Variants in GPR26 observed in about 807,000 individuals in gnomAD.
GPR26 encodes G protein-coupled receptor 26.
GPR26 carries 15 observed loss-of-function variants against 23.1 expected under a neutral mutation model. The ratio of observed to expected loss-of-function variants is 0.65; its 90% CI spans 0.43 to 1.00. GPR26 has a LOEUF of 1.00. GPR26 is among the 50% of genes least tolerant of loss of function. The probability of loss-of-function intolerance (pLI) is 0.00; values close to 1 mark genes in which losing one functional copy is unlikely to be tolerated. For synonymous variants in GPR26, 228 were observed against 222.1 expected (o/e 1.03, Z -0.24); for missense variants, 359 against 470.5 (o/e 0.76, Z 2.19).
At position 123,684,167 on chromosome 10, in the gene GPR26, G is replaced by C. The variant is rs374171985; in HGVS notation, c.783-3762G>C. Among the ~76,000 whole-genome samples, 204 of 152,316 alleles carry C rather than the reference G, an allele frequency of 1.3e-3. 1 individual carries two copies. Among genetic ancestry groups the C allele is most frequent in the Admixed American group, 2.2e-3 (34 of 15,296 alleles). On this transcript the variant is annotated intron_variant, in intron 2 of 2. Coordinates refer to ENST00000284674, the MANE Select transcript of GPR26 (RefSeq NM_153442.4). ...CCCCCGAATGGAGCCTCATGTCCCA[G>C]AGAGCACACGGAAAGTCATCTTGTG...
rs1845508249 is a variant in GPR26, at chr10:123,693,178, T to C, written c.*5018T>C. The C allele has an allele frequency of 6.6e-6, 1 of 152,256 alleles. No individual in the cohort carries two copies. The highest frequency in any genetic ancestry group is 1.5e-5 in the Non-Finnish European group (1 of 68,060). The allele number at this position is 152,256 out of a possible 1,614,324, so 9.4% of individuals were successfully genotyped here. Reference sequence around the variant, plus strand: ...GGAATTCTCCAGACTCCTTTTACTTTGTATGTGTTTCTAGGGGAATTCTGA... The same window carrying C: ...GGAATTCTCCAGACTCCTTTTACTTCGTATGTGTTTCTAGGGGAATTCTGA... On this transcript the variant is annotated 3_prime_UTR_variant, in exon 3 of 3. Transcript: ENST00000284674.
Position 123,666,702 on chromosome 10 carries a change from G to A in GPR26, c.295G>A (p.Ala99Thr). Reference sequence around the variant, plus strand: ...TGCCAACTCCATGCTCAGCATGGCCGCGCTCAGCATCGACCGCTGGGTGGC... The same window carrying A: ...TGCCAACTCCATGCTCAGCATGGCCACGCTCAGCATCGACCGCTGGGTGGC... ...LAANSMLSMA[A>T]LSIDRWVAVV... The change falls in exon 1 of 3, where the codon GCG becomes ACG. Residue 99 changes from alanine to threonine, a missense_variant. By Grantham distance (58) the Ala-to-Thr change is moderately conservative. Coordinates refer to ENST00000284674, the MANE Select transcript of GPR26 (RefSeq NM_153442.4). 1 of 1,599,200 alleles carries A rather than the reference G, an allele frequency of 6.3e-7. No individual in the cohort carries two copies. The highest frequency in any genetic ancestry group is 8.5e-7 in the Non-Finnish European group (1 of 1,178,130).
Position 123,667,071 on chromosome 10 carries a change from C to CCCAGGTGAG in GPR26, c.667_668+7dup, listed in dbSNP as rs754548247. On this transcript the variant is annotated stop_gained and inframe_insertion, in exon 1 of 3. Coordinates refer to ENST00000284674, the MANE Select transcript of GPR26 (RefSeq NM_153442.4). LOFTEE classifies it high-confidence loss of function. ...GCTGGTGCTGCTGGTGGACCTGCAC[C>CCCAGGTGAG]CCAGGTGAGCCGAGCGCAGCTAAGG... is the stretch of plus-strand genomic sequence containing the variant. The CCCAGGTGAG allele has an allele frequency of 5.1e-6, 8 of 1,584,132 alleles. No individual in the cohort carries two copies. Among genetic ancestry groups the CCCAGGTGAG allele is most frequent in the South Asian group, 1.1e-5 (1 of 87,058 alleles).
Position 123,690,495 on chromosome 10 carries a change from G to T in GPR26, c.*2335G>T, listed in dbSNP as rs1845480647. On this transcript the variant is annotated 3_prime_UTR_variant, in exon 3 of 3. Transcript: ENST00000284674. ...CTAGATCTCTTTTACCTCTTCTTTA[G>T]CCAAGAAGCAAGATCTGTCACCCAC... The T allele has an allele frequency of 6.6e-6, 1 of 151,956 alleles. No homozygotes were observed. The allele number at this position is 151,956 out of a possible 1,614,324, so 9.4% of individuals were successfully genotyped here.
intron 2 of GPR26, among the ~76,000 whole-genome samples, chr10:123,684,089 A>G (rs1269720728): frequency 6.6e-6 from 1 of 151,606 alleles, no homozygotes; most frequent in Non-Finnish European, 1.5e-5. Flanking sequence ...TTCCGGGGGG[A>G]GCTGTGTCAG....
intron 1 of GPR26, 98 bp downstream of exon 1, chr10:123,667,173 T>A: frequency 1.1e-6 from 1 of 929,578 alleles, no homozygotes; most frequent in Non-Finnish European, 1.6e-6. Context: ...ACCGAGCCTC[T>A]GTTTCTTCTG....
In GPR26 at chr10:123,691,576, A is replaced by G. The variant is rs1845490984; in HGVS notation, c.*3416A>G. 1 of 152,198 alleles carries G rather than the reference A, an allele frequency of 6.6e-6. No homozygotes were observed. Among genetic ancestry groups the G allele is most frequent in the Non-Finnish European group, 1.5e-5 (1 of 68,032 alleles). The allele number at this position is 152,198 out of a possible 1,614,324, so 9.4% of individuals were successfully genotyped here. A position where few individuals can be genotyped will look rare whatever the true frequency, so the allele number is the denominator to read the frequency against. Reference sequence around the variant, plus strand: ...GCTGTGCATTGTTAGAATTTAGCCCAGATGCAGGATAAACTAGCTTGCCTG... The same window carrying G: ...GCTGTGCATTGTTAGAATTTAGCCCGGATGCAGGATAAACTAGCTTGCCTG... On this transcript the variant is annotated 3_prime_UTR_variant, in exon 3 of 3. Coordinates refer to ENST00000284674, the MANE Select transcript of GPR26 (RefSeq NM_153442.4).
chr10:123,684,776 T>C (rs1845413504), intron 2 of GPR26, among the ~76,000 whole-genome samples: 1 of 152,252 alleles, frequency 6.6e-6, no homozygotes, highest in Admixed American at 6.5e-5. Flanking sequence ...CATTATGACC[T>C]GATTTGTATC....
chr10:123,683,211 G>A (rs1470871163), intron 2 of GPR26, among the ~76,000 whole-genome samples: 3 of 138,048 alleles, frequency 2.2e-5, no homozygotes, highest in East Asian at 4.0e-4. Context: ...GGCCAGTGGG[G>A]CAGCCTGGCA....
intron 2 of GPR26, among the ~76,000 whole-genome samples, chr10:123,676,374 C>A (rs539194293): frequency 6.6e-6 from 1 of 152,276 alleles, no homozygotes; most frequent in Non-Finnish European, 1.5e-5. Context: ...ACCTCAGCAC[C>A]ACCGACATTC....
chr10:123,684,823 A>C (rs1845413983), intron 2 of GPR26, among the ~76,000 whole-genome samples: 1 of 152,212 alleles, frequency 6.6e-6, no homozygotes, highest in Admixed American at 6.5e-5. Context: ...TCACATTCCG[A>C]CACTAGGGGT....
chr10:123,680,825 T>G (rs552206866), intron 2 of GPR26, among the ~76,000 whole-genome samples: 9 of 117,126 alleles, frequency 7.7e-5, no homozygotes, highest in East Asian at 5.2e-4. Flanking sequence ...GTTTTGTTTT[T>G]TTGGGGGGGG....
intron 2 of GPR26, among the ~76,000 whole-genome samples, chr10:123,675,818 A>ACGTGTGTGTGTGTGTGTGTGTGTC (rs1845300793): frequency 6.1e-5 from 1 of 16,522 alleles, no homozygotes; most frequent in Non-Finnish European, 1.4e-4. Flanking sequence ...GTGTGTGTGT[A>ACGTGTGTGTGTGTGTGTGTGTGTC]CGTGTGTGTG....
chr10:123,680,886 C>A (rs1354387080), intron 2 of GPR26, among the ~76,000 whole-genome samples: 1 of 144,412 alleles, frequency 6.9e-6, no homozygotes, highest in Non-Finnish European at 1.5e-5. Context: ...GTTGCCCAGG[C>A]TGGAGTGCAA....
intron 1 of GPR26, among the ~76,000 whole-genome samples, chr10:123,667,669 C>T (rs1442397356): frequency 6.6e-6 from 1 of 151,426 alleles, no homozygotes; most frequent in African/African-American, 2.4e-5. Flanking sequence ...GGGGGCTCTT[C>T]CTGCCCTCCC....
chr10:123,666,534 C>A lies in GPR26; in HGVS notation c.127C>A (p.Leu43Ile). ...SADIRRQAPA[L>I]FTLNLTCGNL... Reference sequence around the variant, plus strand: ...GGACATCCGCCGCCAGGCGCCGGCGCTCTTCACCCTGAACCTCACGTGCGG... The same window carrying A: ...GGACATCCGCCGCCAGGCGCCGGCGATCTTCACCCTGAACCTCACGTGCGG... Residue 43 changes from leucine to isoleucine, a missense_variant, in exon 1 of 3, where the codon CTC becomes ATC. By Grantham distance (5) the Leu-to-Ile change is conservative. Transcript: ENST00000284674. 1 of 1,590,300 alleles carries A rather than the reference C, an allele frequency of 6.3e-7. No homozygotes were observed. The highest frequency in any genetic ancestry group is 1.7e-5 in the Admixed American group (1 of 57,680).
chr10:123,668,156 G>A (rs190833575), intron 1 of GPR26, among the ~76,000 whole-genome samples: 1 of 152,286 alleles, frequency 6.6e-6, no homozygotes, highest in African/African-American at 2.4e-5. Context: ...GGAGCCTCGG[G>A]GCAGAGGAAG....
At chr10:123,679,721 C>G (rs1237838508) in intron 2 of GPR26, among the ~76,000 whole-genome samples, 3 of 152,168 alleles carry the variant, frequency 2.0e-5, no homozygotes, top group Non-Finnish European at 2.9e-5. Context: ...TCTCAGAGGC[C>G]TCTGGGGAGT....
intron 2 of GPR26, among the ~76,000 whole-genome samples, chr10:123,678,322 T>C (rs1003319596): frequency 2.6e-5 from 4 of 152,090 alleles, no homozygotes; most frequent in African/African-American, 9.7e-5. Context: ...GACCTTGAGC[T>C]GCTCATATCA....
Sources: gnomAD v4.1 joint callset for allele counts (sites outside exome capture counted in the v4.1 genomes callset) on GRCh38, gnomAD v4.1.1 for gene constraint, MANE v1.5 for transcripts, NCBI Gene and HGNC (gene_info 2026-07-23, HGNC 2026-07-21) for gene names.